ESS2: variants seen among roughly 807,000 people sequenced by gnomAD.
ESS2 encodes splicing factor ESS-2 homolog.
In ESS2, 31 loss-of-function variants were observed where a neutral mutation model predicts 52.0. The ratio of observed to expected loss-of-function variants is 0.60; its 90% CI spans 0.45 to 0.81. The LOEUF (loss-of-function observed/expected upper bound fraction) is 0.81. Among genes scored for constraint, ESS2 ranks in the 30% least tolerant of loss-of-function variants. The pLI, the probability that ESS2 is intolerant of heterozygous loss-of-function variation, is 0.00. For missense variants in ESS2, 602 were observed against 637.2 expected (o/e 0.94, Z 0.59); for synonymous variants, 285 against 259.2 (o/e 1.10, Z -0.95).
At chr22:19,134,892 C>A (rs1007971376) in intron 9 of ESS2, among the ~76,000 whole-genome samples, 168 bp downstream of exon 9, 2 of 152,200 alleles carry the variant, frequency 1.3e-5, no homozygotes, top group Admixed American at 6.5e-5. Context: ...TGTCCATGTG[C>A]GGCCATGCTC....
rs149340835 is a variant in ESS2, at chr22:19,132,164, C to T, written c.*2032G>A. On this transcript the variant is annotated 3_prime_UTR_variant, in exon 10 of 10. Transcript: ENST00000252137. This position sits in a 1 kb window ranked among gnomAD's most constrained non-coding sequence, Gnocchi z 4.2. Reference sequence around the variant, plus strand: ...ACCTCATCTACCGCATGCTGCAGCCCGACGTCAGCCAGCGGCTCCACATCG... The same window carrying T: ...ACCTCATCTACCGCATGCTGCAGCCTGACGTCAGCCAGCGGCTCCACATCG... 5.6e-6 allele frequency: 9 copies of T among 1,613,276 alleles called. No individual in the cohort carries two copies. The highest frequency in any genetic ancestry group is 1.7e-4 in the Middle Eastern group (1 of 6,060).
Position 19,137,430 on chromosome 22 carries a change from C to A in ESS2, c.928G>T (p.Val310Leu), listed in dbSNP as rs1336035873. 3.7e-6 allele frequency: 6 copies of A among 1,611,198 alleles called. No homozygotes were observed. In the South Asian group the frequency reaches 5.5e-5, roughly 15 times the overall value. ...CAGGTCATCATCGGGGACTCGTTCA[C>A]ACCTGCAGACAAAGAGCCCAAAACC... Reference protein sequence around the residue: ...FVATPSPAPGVNESPMMTWGE... With the variant: ...FVATPSPAPGLNESPMMTWGE... The change falls in exon 8 of 10, where the codon GTG (valine) becomes TTG (leucine). Residue 310 changes from valine (V) to leucine (L), a missense_variant and splice_region_variant. Physicochemically the swap from Val to Leu is conservative, Grantham distance 32. Coordinates refer to ENST00000252137, the MANE Select transcript of ESS2 (RefSeq NM_022719.3).
intron 7 of ESS2, 137 bp downstream of exon 7, chr22:19,138,078 G>T (rs919103877): frequency 1.2e-5 from 18 of 1,494,920 alleles, no homozygotes; most frequent in African/African-American, 4.2e-5. Context: ...TGTACAGACA[G>T]GAGACCAGGT....
At chr22:19,139,518 G>A (rs1018851209) in intron 5 of ESS2, 94 bp downstream of exon 5, 23 of 1,330,402 alleles carry the variant, frequency 1.7e-5, no homozygotes, top group South Asian at 2.4e-5. Context: ...AAGGGGGCAC[G>A]GCCATACACA....
intron 1 of ESS2, 87 bp downstream of exon 1, chr22:19,144,419 G>C: frequency 6.3e-7 from 1 of 1,589,978 alleles, no homozygotes; most frequent in Non-Finnish European, 8.6e-7. Context: ...AGGAGACGGA[G>C]TGTCAACACC....
chr22:19,136,644 C>T (rs1275804915), intron 8 of ESS2, among the ~76,000 whole-genome samples: 1 of 152,154 alleles, frequency 6.6e-6, no homozygotes, highest in Non-Finnish European at 1.5e-5. Context: ...AGAAGCACCT[C>T]AGCCCTTGCC....
At position 19,142,643 on chromosome 22, in the gene ESS2, G is replaced by A; in HGVS notation, c.305-10C>T. ...GTGGCTGGAGTCACATCTAGGGGAAGAGAGGGGGATAAGAATTAGAGTGAG... is the reference window on the plus strand; with the variant it reads ...GTGGCTGGAGTCACATCTAGGGGAAAAGAGGGGGATAAGAATTAGAGTGAG... On this transcript the variant is annotated splice_polypyrimidine_tract_variant and intron_variant, in intron 2 of 9. Transcript: ENST00000252137. 2 of 1,611,792 alleles carry A rather than the reference G, an allele frequency of 1.2e-6. No individual in the cohort carries two copies. Among genetic ancestry groups the A allele is most frequent in the Middle Eastern group, 1.7e-4 (1 of 6,046 alleles).
intron 8 of ESS2, among the ~76,000 whole-genome samples, chr22:19,137,075 G>A (rs147627834): frequency 0.013 from 2,036 of 152,100 alleles, 38 homozygotes; most frequent in South Asian, 0.057. Context: ...AACAGCACCC[G>A]GCCTCCAGGA....
At position 19,139,407 on chromosome 22, in the gene ESS2, C is replaced by T. The variant is rs181663213; in HGVS notation, c.689-115G>A. 25 of 1,449,336 alleles carry T rather than the reference C, an allele frequency of 1.7e-5. No homozygotes were observed. The African/African-American group carries it at 3.1e-4, about 18-fold the overall frequency. The allele number at this position is 1,449,336 out of a possible 1,614,324, so 89.8% of individuals were successfully genotyped here. On this transcript the variant is annotated intron_variant, in intron 5 of 9. Coordinates refer to ENST00000252137, the MANE Select transcript of ESS2 (RefSeq NM_022719.3). ...AGATGAACAAAAGCATTGAGCAGAA[C>T]GCAGGCCCCAGTGCCGCTGGAGAGG... is the stretch of plus-strand genomic sequence containing the variant.
At chr22:19,144,296 GCT>G (rs1215029587) in intron 1 of ESS2, 4 of 1,328,898 alleles carry the variant, frequency 3.0e-6, no homozygotes, top group Non-Finnish European at 3.9e-6. Flanking sequence ...AAAGAGAGCC[GCT>G]CTCTCTTTTC....
chr22:19,141,586 T>C (rs542224382), intron 3 of ESS2, among the ~76,000 whole-genome samples: 1 of 152,340 alleles, frequency 6.6e-6, no homozygotes, highest in African/African-American at 2.4e-5. Flanking sequence ...CAACACCACA[T>C]GTGCTGTTCC....
At position 19,132,426 on chromosome 22, in the gene ESS2, G is replaced by A. The variant is rs1601338724; in HGVS notation, c.*1770C>T. On this transcript the variant is annotated 3_prime_UTR_variant, in exon 10 of 10. Transcript: ENST00000252137. This position sits in a 1 kb window ranked among gnomAD's most constrained non-coding sequence, Gnocchi z 4.2. ...GGACAGGCTGGCCGAGACCTCCAGG[G>A]CCAAAGACCATCACATCTCCGGAGC... 1.9e-6 allele frequency: 3 copies of A among 1,612,744 alleles called. No individual in the cohort carries two copies. The highest frequency in any genetic ancestry group is 2.2e-5 in the East Asian group (1 of 44,864).
At chr22:19,138,457 T>C (rs2083624376) in intron 6 of ESS2, 140 bp from the exon 7 acceptor site, 2 of 849,452 alleles carry the variant, frequency 2.4e-6, no homozygotes, top group Non-Finnish European at 3.9e-6. Context: ...GGCAGCCTTC[T>C]TGGAGAAAGA....
In ESS2 at chr22:19,132,393, A is replaced by C. The variant is rs760659207; in HGVS notation, c.*1803T>G. 7 of 1,613,204 alleles carry C rather than the reference A, an allele frequency of 4.3e-6. No homozygotes were observed. The Admixed American group carries it at 1.0e-4, about 23-fold the overall frequency. ...GCTGGTGGTGCCCGAGAACGAGAAC[A>C]GGATGGAGGACAGGCTGGCCGAGAC... On this transcript the variant is annotated 3_prime_UTR_variant, in exon 10 of 10. Coordinates refer to ENST00000252137, the MANE Select transcript of ESS2 (RefSeq NM_022719.3). This position sits in a 1 kb window ranked among gnomAD's most constrained non-coding sequence, Gnocchi z 4.2.
chr22:19,138,136 G>A, intron 7 of ESS2, 79 bp downstream of exon 7: 1 of 1,596,518 alleles, frequency 6.3e-7, no homozygotes, highest in Non-Finnish European at 8.5e-7. Context: ...GGCCAGGAGT[G>A]GCCAGGGCCG....
rs1328818376 is a variant in ESS2, at chr22:19,139,288, G to A, written c.693C>T (p.Val231=). 1 of 1,592,830 alleles carries A rather than the reference G, an allele frequency of 6.3e-7. No homozygotes were observed. Among genetic ancestry groups the A allele is most frequent in the South Asian group, 1.1e-5 (1 of 88,356 alleles). ...TCTTAAACAGCTGCTCCTCGTCAGG[G>A]ACACCTGGCAGACGAAGCAAAGGTA... is the stretch of plus-strand genomic sequence containing the variant. ...KNSLMYYPEG[V]PDEEQLFKKP... is the part of the protein sequence containing the mutation. The change falls in exon 6 of 10, where the codon GTC becomes GTT. Residue 231 remains valine, a synonymous_variant. Coordinates refer to ENST00000252137, the MANE Select transcript of ESS2 (RefSeq NM_022719.3).
In ESS2 at chr22:19,132,681, A is replaced by C; in HGVS notation, c.*1515T>G. On this transcript the variant is annotated 3_prime_UTR_variant, in exon 10 of 10. Transcript: ENST00000252137. This position sits in a 1 kb window ranked among gnomAD's most constrained non-coding sequence, Gnocchi z 4.2. ...GACGTTCCTTACTGACCACCAAATA[A>C]ACCACAGGGTGTGTGCAAGCATCAA... 55 of 582,780 alleles carry C rather than the reference A, an allele frequency of 9.4e-5. No individual in the cohort carries two copies. Among genetic ancestry groups the C allele is most frequent in the East Asian group, 9.0e-5 (3 of 33,162 alleles). 36.1% of individuals were successfully genotyped at this position (582,780 alleles called of 1,614,324 possible).
chr22:19,130,627 C>A lies in ESS2; in HGVS notation c.*3569G>T. 2.9e-6 allele frequency: 1 copy of A among 348,564 alleles called. No homozygotes were observed. Among genetic ancestry groups the A allele is most frequent in the Non-Finnish European group, 5.5e-6 (1 of 182,194 alleles). The allele number at this position is 348,564 out of a possible 1,614,324, so 21.6% of individuals were successfully genotyped here. On this transcript the variant is annotated 3_prime_UTR_variant, in exon 10 of 10. Coordinates refer to ENST00000252137, the MANE Select transcript of ESS2 (RefSeq NM_022719.3). Reference sequence around the variant, plus strand: ...TGATCTATTCAAACAGCTGCCTGTTCCCTTAACTTGTCTTCAGATTTTGTC... The same window carrying A: ...TGATCTATTCAAACAGCTGCCTGTTACCTTAACTTGTCTTCAGATTTTGTC...
In ESS2 at chr22:19,139,588, T is replaced by C. The variant is rs202065906; in HGVS notation, c.688+24A>G. On this transcript the variant is annotated intron_variant, in intron 5 of 9. Transcript: ENST00000252137. ...ACAGCTCTACCCAACACCTCCCCAT[T>C]TGGCTGCGAGGCCCGCCACTTACCC... is the stretch of plus-strand genomic sequence containing the variant. 2.6e-5 allele frequency: 41 copies of C among 1,602,274 alleles called. No homozygotes were observed. The African/African-American group carries it at 5.2e-4, about 20-fold the overall frequency.
Sources: gnomAD v4.1 joint callset for allele counts (sites outside exome capture counted in the v4.1 genomes callset) on GRCh38, gnomAD v4.1.1 for gene constraint, Gnocchi (gnomAD v3.1) non-coding constraint, MANE v1.5 for transcripts, NCBI Gene and HGNC (gene_info 2026-07-23, HGNC 2026-07-21) for gene names.